MED15: variants seen among roughly 807,000 people sequenced by gnomAD.
MED15 encodes mediator of RNA polymerase II transcription subunit 15.
In MED15, 41 loss-of-function variants were observed where a neutral mutation model predicts 118.7. The observed-to-expected ratio is 0.35, with a 90% CI of 0.27 to 0.45. The LOEUF (loss-of-function observed/expected upper bound fraction) is 0.45. MED15 is among the 20% of genes least tolerant of loss of function. The pLI is 1.00. For synonymous variants in MED15, 436 were observed against 413.9 expected, an observed-to-expected ratio of 1.05 and a Z score of -0.65; for missense variants, 740 against 1,025.5, an observed-to-expected ratio of 0.72 and a Z score of 3.80.
At chr22:20,561,785 T>C (rs2056251919) in intron 5 of MED15, among the ~76,000 whole-genome samples, 1 of 152,056 alleles carries the variant, frequency 6.6e-6, no homozygotes, top group African/African-American at 2.4e-5. Context: ...GAAGCTGAGG[T>C]GGGAGGATCA....
rs1296369716 is a variant in MED15 at position 20,585,120 on chromosome 22, C to T, written c.1984C>T (p.Arg662Trp). ...CCCCAGGGCCCCAGTGGTGTGCACC[C>T]GGAAGCGCAGGCTTGAGGATGATGA... ...PPITAPVVCT[R>W]KRRLEDDERQ... The change falls in exon 16 of 18, where the codon CGG (arginine) becomes TGG (tryptophan). Residue 662 changes from arginine (R) to tryptophan (W), a missense_variant. Around this residue, in one of 7 missense-constraint regions of MED15, gnomAD observed 179 missense variants for 259.0 expected, o/e 0.69. Transcript: ENST00000263205. The T allele has an allele frequency of 4.3e-6, 7 of 1,613,672 alleles. No individual in the cohort carries two copies. The highest frequency in any genetic ancestry group is 1.7e-5 in the Admixed American group (1 of 60,014).
chr22:20,557,683 A>G (rs1289422071), intron 5 of MED15, among the ~76,000 whole-genome samples: 2 of 152,172 alleles, frequency 1.3e-5, no homozygotes, highest in African/African-American at 4.8e-5. Context: ...TTTGTCTTAA[A>G]CCAGTTCTTT....
chr22:20,545,827 T>A (rs1476714091), intron 2 of MED15, among the ~76,000 whole-genome samples: 1 of 152,140 alleles, frequency 6.6e-6, no homozygotes, highest in Admixed American at 6.5e-5. Context: ...TGATGGTATT[T>A]CAAAATCTAT....
At chr22:20,509,061 G>A (rs2053975263) in intron 1 of MED15, among the ~76,000 whole-genome samples, 2 of 152,102 alleles carry the variant, frequency 1.3e-5, no homozygotes, top group African/African-American at 4.8e-5. Context: ...GTAGGAGTGT[G>A]AATAGCCACC....
intron 2 of MED15, among the ~76,000 whole-genome samples, chr22:20,546,992 A>G (rs2055569774): frequency 1.3e-5 from 2 of 152,226 alleles, no homozygotes; most frequent in South Asian, 2.1e-4. Context: ...ACAAAAACCC[A>G]TAATTTTACA....
rs1212852914 is a variant in MED15, at chr22:20,583,373, T to C, written c.1716T>C (p.Ile572=). Reference sequence around the variant, plus strand: ...GTAAGATGAAGAGCCTTCTGGACATTCTGACAGACCCCTCGAAGCGGTGAG... The same window carrying C: ...GTAAGATGAAGAGCCTTCTGGACATCCTGACAGACCCCTCGAAGCGGTGAG... ...DLSKMKSLLD[I]LTDPSKRCPL... The change falls in exon 13 of 18, where the codon ATT becomes ATC. Residue 572 remains isoleucine (I), a synonymous_variant. Coordinates refer to ENST00000263205, the MANE Select transcript of MED15 (RefSeq NM_001003891.3). The C allele has an allele frequency of 1.9e-6, 3 of 1,612,074 alleles. No homozygotes were observed. Among genetic ancestry groups the C allele is most frequent in the South Asian group, 1.1e-5 (1 of 91,006 alleles).
At chr22:20,508,909 G>A (rs2053968713) in intron 1 of MED15, among the ~76,000 whole-genome samples, 1 of 152,154 alleles carries the variant, frequency 6.6e-6, no homozygotes, top group Non-Finnish European at 1.5e-5. Context: ...CCTGAGGGAT[G>A]GTAAAGGAAC....
In MED15 at chr22:20,584,872, C is replaced by A. The variant is rs2057088157; in HGVS notation, c.1821C>A (p.Pro607=). The part of the protein sequence containing the change: ...NDMAVPTPPP[P]PVPPTKQQYL... Reference sequence around the variant, plus strand: ...GTCTCCAGCCCACTCCCCCACCGCCCCCGGTGCCACCGACCAAACAGCAGT... The same window carrying A: ...GTCTCCAGCCCACTCCCCCACCGCCACCGGTGCCACCGACCAAACAGCAGT... Residue 607 remains proline, a synonymous_variant, in exon 15 of 18, where the codon CCC becomes CCA. Coordinates refer to ENST00000263205, the MANE Select transcript of MED15 (RefSeq NM_001003891.3). The A allele has an allele frequency of 6.2e-7, 1 of 1,612,980 alleles. No homozygotes were observed. Among genetic ancestry groups the A allele is most frequent in the South Asian group, 1.1e-5 (1 of 91,050 alleles).
chr22:20,546,121 G>T (rs369306304), intron 2 of MED15, among the ~76,000 whole-genome samples: 1 of 152,088 alleles, frequency 6.6e-6, no homozygotes, highest in Non-Finnish European at 1.5e-5. Flanking sequence ...TTTGAATCAG[G>T]ATCCAAACGA....
In MED15 at chr22:20,507,738, C is replaced by T; in HGVS notation, c.60C>T (p.Val20=). ...WRSTAFRQKL[V]SQIEDAMRKA... ...GCACCGCCTTCCGGCAGAAGCTGGT[C>T]AGTCAAATGTGAGTAGTGGTCGGGG... Residue 20 remains valine (V), a synonymous_variant, in exon 1 of 18, where the codon GTC becomes GTT. Coordinates refer to ENST00000263205, the MANE Select transcript of MED15 (RefSeq NM_001003891.3). 2 of 1,614,046 alleles carry T rather than the reference C, an allele frequency of 1.2e-6. No individual in the cohort carries two copies. The highest frequency in any genetic ancestry group is 1.7e-6 in the Non-Finnish European group (2 of 1,179,934).
rs1423005509 is a variant in MED15, at chr22:20,584,848, T to G, written c.1804-7T>G. ...CGGGCTGCTGACCGTGCCCATCCTG[T>G]CTCCAGCCCACTCCCCCACCGCCCC... On this transcript the variant is annotated splice_polypyrimidine_tract_variant and splice_region_variant and intron_variant, in intron 14 of 17. Transcript: ENST00000263205. 1 of 1,611,142 alleles carries G rather than the reference T, an allele frequency of 6.2e-7. No individual in the cohort carries two copies. Among genetic ancestry groups the G allele is most frequent in the South Asian group, 1.1e-5 (1 of 90,992 alleles).
chr22:20,533,267 G>A (rs776146856), intron 1 of MED15, among the ~76,000 whole-genome samples: 3 of 152,200 alleles, frequency 2.0e-5, no homozygotes, highest in Non-Finnish European at 4.4e-5. Flanking sequence ...GTCCAGGCAG[G>A]GGATGCCTCT....
At chr22:20,519,283 ACT>A (rs746309863) in intron 1 of MED15, among the ~76,000 whole-genome samples, 4 of 151,748 alleles carry the variant, frequency 2.6e-5, no homozygotes, top group Non-Finnish European at 4.4e-5. Flanking sequence ...TTTAGTAATG[ACT>A]CTCTTTCTAG....
intron 1 of MED15, among the ~76,000 whole-genome samples, chr22:20,529,828 G>T (rs893776735): frequency 6.6e-6 from 1 of 152,162 alleles, no homozygotes; most frequent in African/African-American, 2.4e-5. Flanking sequence ...CGGACCTCAG[G>T]TGATCCACCT....
In MED15 at chr22:20,554,558, GA is replaced by G. The variant is rs1384503421; in HGVS notation, c.239-376del. On this transcript the variant is annotated intron_variant, in intron 4 of 17. Coordinates refer to ENST00000263205, the MANE Select transcript of MED15 (RefSeq NM_001003891.3). The stretch of plus-strand genomic sequence containing the variant: ...TGGCCACTGTGTTACCGCTTGCTCA[GA>G]AGGGCCCATCGTGCTTTGTACGCTC... 41 of 173,142 alleles carry G rather than the reference GA, an allele frequency of 2.4e-4. 1 individual carries two copies. The highest frequency in any genetic ancestry group is 8.7e-4 in the African/African-American group (37 of 42,308). The allele number at this position is 173,142 out of a possible 1,614,324, so 10.7% of individuals were successfully genotyped here.
chr22:20,583,001 C>T (rs2146676191), intron 11 of MED15, 34 bp downstream of exon 11: 2 of 1,600,090 alleles, frequency 1.2e-6, no homozygotes, highest in East Asian at 2.2e-5. Context: ...GGTCACTCCT[C>T]ACCTTTATGA....
chr22:20,538,751 G>C (rs1303892508), intron 2 of MED15, among the ~76,000 whole-genome samples: 2 of 152,200 alleles, frequency 1.3e-5, no homozygotes, highest in African/African-American at 4.8e-5. Flanking sequence ...CCAGGTTGGA[G>C]TGCAGTGGCA....
rs1393323953 is a variant in MED15, at chr22:20,555,057, A to T, written c.360A>T (p.Gly120=). 6.2e-7 allele frequency: 1 copy of T among 1,612,508 alleles called. No individual in the cohort carries two copies. The highest frequency in any genetic ancestry group is 1.7e-5 in the Admixed American group (1 of 60,010). ...GGATGGGTAGCCTTGGTGCCATGGG[A>T]CAGCCAATGTCTCTCTCAGGGCAGC... ...LGGMGSLGAM[G]QPMSLSGQPP... is the part of the protein sequence containing the mutation. Residue 120 remains glycine, a synonymous_variant, in exon 5 of 18, where the codon GGA becomes GGT. Transcript: ENST00000263205.
intron 2 of MED15, among the ~76,000 whole-genome samples, chr22:20,548,676 G>A (rs1316793816): frequency 6.6e-6 from 1 of 152,154 alleles, no homozygotes; most frequent in African/African-American, 2.4e-5. Context: ...TATATAAAAG[G>A]TGTATGTCAT....
Sources: allele counts gnomAD v4.1 joint callset (sites outside exome capture counted in the v4.1 genomes callset), GRCh38; gene constraint gnomAD v4.1.1; regional missense constraint gnomAD v4.1.1; transcripts MANE v1.5; gene names NCBI Gene and HGNC (gene_info 2026-07-23, HGNC 2026-07-21).